The following MAGEA11 variants were observed in gnomAD, a reference collection of about 807,000 sequenced individuals.
MAGEA11 encodes MAGE family member A11.
MAGEA11 carries 1 observed loss-of-function variant against 8.4 expected under a neutral mutation model. That is an observed-to-expected ratio of 0.12 (90% CI 0.04 to 0.57). MAGEA11 has a LOEUF of 0.57. Among genes scored for constraint, MAGEA11 ranks in the 20% least tolerant of loss-of-function variants. The pLI is 0.91. For synonymous variants in MAGEA11, 127 were observed against 119.3 expected (o/e 1.06, Z -0.42); for missense variants, 209 against 317.3 (o/e 0.66, Z 2.59).
intron 1 of MAGEA11, among the ~76,000 whole-genome samples, chrX:149,700,535 T>G (rs901959619): frequency 2.0e-5 from 2 of 101,123 alleles, no homozygotes; most frequent in Non-Finnish European, 4.0e-5. Context: ...CGTTATTAAT[T>G]TCTTTTTTTT....
upstream of MAGEA11, chrX:149,711,703 C>G: frequency 2.8e-6 from 1 of 352,001 alleles, no homozygotes; most frequent in Non-Finnish European, 3.7e-6. Context: ...CCTGTCAGCC[C>G]CGGAAGACCT....
intron 2 of MAGEA11, chrX:149,713,534 G>A (rs1365834539): frequency 3.6e-6 from 1 of 275,411 alleles, no homozygotes; most frequent in Non-Finnish European, 6.3e-6. Flanking sequence ...GGAGATGGTG[G>A]TCGTGGCCTG....
chrX:149,696,349 C>A (rs937499176), intron 1 of MAGEA11, among the ~76,000 whole-genome samples: 1 of 109,397 alleles, frequency 9.1e-6, no homozygotes, highest in Non-Finnish European at 1.9e-5. Flanking sequence ...ATCAAGTGGC[C>A]CTGACCTGAA....
At chrX:149,706,000 C>T (rs899349074) in intron 1 of MAGEA11, among the ~76,000 whole-genome samples, 3 of 112,063 alleles carry the variant, frequency 2.7e-5, no homozygotes, top group African/African-American at 9.7e-5. Flanking sequence ...TCCTGGAGTG[C>T]GACAAAGCAG....
chrX:149,694,940 C>CGAACTCCT (rs1382075898), intron 1 of MAGEA11, among the ~76,000 whole-genome samples: 5 of 111,101 alleles, frequency 4.5e-5, no homozygotes, highest in African/African-American at 1.6e-4. Context: ...AGGCTGGTCT[C>CGAACTCCT]GAACTCCTGA....
chrX:149,700,647 G>A (rs1285223264), intron 1 of MAGEA11, among the ~76,000 whole-genome samples: 1 of 108,704 alleles, frequency 9.2e-6, no homozygotes, highest in Admixed American at 9.9e-5. Flanking sequence ...CATGTGCCAT[G>A]CTGGTGTGCT....
At chrX:149,707,157 T>C (rs1557361555), upstream of MAGEA11, among the ~76,000 whole-genome samples, 1 of 112,179 alleles carries the variant, frequency 8.9e-6, no homozygotes, top group Non-Finnish European at 1.9e-5. Flanking sequence ...GAAAATTCCA[T>C]GAGACTTTAG....
Position 149,716,915 on chromosome X carries a change from A to G in MAGEA11, c.*139A>G. The G allele has an allele frequency of 1.8e-6, 1 of 550,541 alleles. No homozygotes were observed. Among genetic ancestry groups the G allele is most frequent in the Non-Finnish European group, 2.9e-6 (1 of 347,221 alleles). 45.4% of individuals were successfully genotyped at this position (550,541 alleles called of 1,213,427 possible). ...TTTGATGAGAGAAGTCAGTGTTCTCAGTAGTAGAAGGCACAGTGAATGGAA... is the reference window on the plus strand; with the variant it reads ...TTTGATGAGAGAAGTCAGTGTTCTCGGTAGTAGAAGGCACAGTGAATGGAA... On this transcript the variant is annotated 3_prime_UTR_variant, in exon 5 of 5. Coordinates refer to ENST00000355220, the MANE Select transcript of MAGEA11 (RefSeq NM_005366.5).
intron 1 of MAGEA11, among the ~76,000 whole-genome samples, chrX:149,702,886 C>T (rs2090360488): frequency 8.9e-6 from 1 of 111,836 alleles, no homozygotes; most frequent in South Asian, 3.8e-4. Context: ...TAACTTGTAC[C>T]AATCTATTTA....
At chrX:149,715,535 C>A in intron 3 of MAGEA11, 69 bp from the exon 4 acceptor site, 1 of 788,821 alleles carries the variant, frequency 1.3e-6, no homozygotes, top group Non-Finnish European at 1.9e-6. Flanking sequence ...CCTGCCCTAC[C>A]TCAGTCCTGG....
At chrX:149,702,584 T>G (rs1403709160) in intron 1 of MAGEA11, among the ~76,000 whole-genome samples, 3 of 111,249 alleles carry the variant, frequency 2.7e-5, no homozygotes, top group African/African-American at 9.8e-5. Flanking sequence ...ATAAATCTCT[T>G]ATAAATAATC....
intron 1 of MAGEA11, among the ~76,000 whole-genome samples, chrX:149,692,170 G>T (rs907626392): frequency 8.0e-5 from 9 of 111,908 alleles, no homozygotes; most frequent in Non-Finnish European, 1.7e-4. Flanking sequence ...ACATTACAAG[G>T]TTGAAGTGGA....
intron 1 of MAGEA11, among the ~76,000 whole-genome samples, chrX:149,700,537 C>CT (rs55944215): frequency 0.18 from 17,964 of 99,430 alleles, 1,290 homozygotes; most frequent in African/African-American, 0.24. Flanking sequence ...TTATTAATTT[C>CT]TTTTTTTTTT....
In MAGEA11 at chrX:149,713,012, G is replaced by T. The variant is rs1478590589; in HGVS notation, c.-17-131G>T. ...TTGGTATCATGAGAAAGACCTAGGG[G>T]GAGCACAGACAGGGCTCAGTCCCTG... On this transcript the variant is annotated intron_variant, in intron 1 of 4. Coordinates refer to ENST00000355220, the MANE Select transcript of MAGEA11 (RefSeq NM_005366.5). 4.3e-5 allele frequency: 20 copies of T among 461,720 alleles called. No homozygotes were observed. The African/African-American group carries it at 5.0e-4, about 12-fold the overall frequency. 38.1% of individuals were successfully genotyped at this position (461,720 alleles called of 1,213,427 possible). A position where few individuals can be genotyped will look rare whatever the true frequency, so the allele number is the denominator to read the frequency against.
intron 1 of MAGEA11, among the ~76,000 whole-genome samples, chrX:149,706,287 T>C (rs2090376911): frequency 8.9e-6 from 1 of 112,000 alleles, no homozygotes; most frequent in Non-Finnish European, 1.9e-5. Context: ...ACCACAGACC[T>C]CACAGTGGGT....
intron 1 of MAGEA11, among the ~76,000 whole-genome samples, chrX:149,698,955 G>A (rs2090340886): frequency 9.0e-6 from 1 of 111,598 alleles, no homozygotes; most frequent in Non-Finnish European, 1.9e-5. Flanking sequence ...CCTTTTTATG[G>A]CTGAATAGTA....
chrX:149,706,432 G>A (rs1047871391), intron 1 of MAGEA11, among the ~76,000 whole-genome samples: 1 of 111,564 alleles, frequency 9.0e-6, no homozygotes, highest in Non-Finnish European at 1.9e-5. Context: ...GCGCCTTAAC[G>A]AGGTGATTAG....
intron 1 of MAGEA11, among the ~76,000 whole-genome samples, chrX:149,707,013 G>A (rs1272671234): frequency 8.9e-6 from 1 of 112,595 alleles, no homozygotes; most frequent in African/African-American, 3.2e-5. Context: ...AGGATGTGAG[G>A]AGCACAAACC....
At chrX:149,694,707 C>CTTTCT (rs1283009600) in intron 1 of MAGEA11, among the ~76,000 whole-genome samples, 4 of 110,512 alleles carry the variant, frequency 3.6e-5, no homozygotes, top group East Asian at 5.7e-4. Context: ...CTTTCTCTTT[C>CTTTCT]TTTCTTTTCT....
Sources: gnomAD v4.1 joint callset for allele counts (sites outside exome capture counted in the v4.1 genomes callset) on GRCh38, gnomAD v4.1.1 for gene constraint, MANE v1.5 for transcripts, NCBI Gene and HGNC (gene_info 2026-07-23, HGNC 2026-07-21) for gene names.